SLC6A16: variants seen among roughly 807,000 people sequenced by gnomAD.
The protein encoded by SLC6A16 is solute carrier family 6 member 16.
SLC6A16 carries 54 observed loss-of-function variants against 65.4 expected under a neutral mutation model. The observed-to-expected ratio is 0.83, with a 90% CI of 0.66 to 1.04. The LOEUF (loss-of-function observed/expected upper bound fraction) is 1.04, where lower values mean the gene tolerates loss of function less well. SLC6A16 is among the 50% of genes least tolerant of loss of function. The pLI is 0.00. For synonymous variants in SLC6A16, 330 were observed against 346.5 expected (o/e 0.95, Z 0.53); for missense variants, 816 against 914.0 (o/e 0.89, Z 1.38).
At chr19:49,320,424 C>CAA (rs143022215) in intron 1 of SLC6A16, among the ~76,000 whole-genome samples, 30,749 of 137,144 alleles carry the variant, frequency 0.22, 3,487 homozygotes, top group South Asian at 0.38. Flanking sequence ...AACAAACAAA[C>CAA]AAACAAAAAA....
chr19:49,339,711 A>G, the SLC6A16 span: 1 of 1,402,264 alleles, frequency 7.1e-7, no homozygotes, highest in South Asian at 1.7e-5. The surrounding 1 kb of genome is among the most constrained non-coding windows in gnomAD (Gnocchi z 4.5). Flanking sequence ...TCCGCCGGAA[A>G]TGCGAGCCGC....
chr19:49,339,409 T>G, the SLC6A16 span: 2 of 1,613,594 alleles, frequency 1.2e-6, no homozygotes, highest in Non-Finnish European at 1.7e-6. The surrounding 1 kb of genome is among the most constrained non-coding windows in gnomAD (Gnocchi z 4.5). Context: ...GTCGGCCTAC[T>G]CGAGGTGATC....
chr19:49,327,285 GC>G (rs11288003), upstream of SLC6A16, among the ~76,000 whole-genome samples: 5,313 of 152,088 alleles, frequency 0.035, 297 homozygotes, highest in African/African-American at 0.12. Context: ...GAGTCAGCCT[GC>G]CATGTTGGCC....
chr19:49,331,790 C>A, the SLC6A16 span: 1 of 457,324 alleles, frequency 2.2e-6, no homozygotes, highest in Non-Finnish European at 4.4e-6. Flanking sequence ...ATGGCCTCAA[C>A]TTCACTGCAA....
chr19:49,340,007 C>G, the SLC6A16 span: 4 of 1,459,304 alleles, frequency 2.7e-6, no homozygotes, highest in African/African-American at 5.6e-5. Context: ...ATAAAGGACC[C>G]TGGGCTTGCT....
intron 7 of SLC6A16, among the ~76,000 whole-genome samples, chr19:49,300,183 A>G (rs1420057976): frequency 6.6e-6 from 1 of 152,154 alleles, no homozygotes; most frequent in Non-Finnish European, 1.5e-5. Context: ...TAGCAAAATA[A>G]TATGAAATAA....
Position 49,293,339 on chromosome 19 carries a change from A to G in SLC6A16, c.1662T>C (p.Thr554=), listed in dbSNP as rs760779364. 6 of 1,614,062 alleles carry G rather than the reference A, an allele frequency of 3.7e-6. No homozygotes were observed. The East Asian group carries it at 1.3e-4, about 36-fold the overall frequency. The change falls in exon 10 of 12, where the codon ACT becomes ACC. Residue 554 remains threonine (T), a synonymous_variant. Transcript: ENST00000335875. ...TGATGAAGTAGCTGCCTGAAGGTCG[A>G]GTGAAGAAGAGGCCGCACACGAACA... ...LLMFVCGLFF[T]RPSGSYFIRL...
chr19:49,307,257 T>TA (rs1970409202), intron 7 of SLC6A16, among the ~76,000 whole-genome samples: 2 of 151,700 alleles, frequency 1.3e-5, no homozygotes, highest in South Asian at 4.2e-4. Context: ...AAACTACCAT[T>TA]ACACTCCCAC....
rs1349412240 is a variant in SLC6A16, at chr19:49,293,874, A to T, written c.1571T>A (p.Leu524His). 3.1e-6 allele frequency: 5 copies of T among 1,613,970 alleles called. No individual in the cohort carries two copies. In the African/African-American group the frequency reaches 6.7e-5, roughly 22 times the overall value. Residue 524 changes from leucine to histidine, a missense_variant, in exon 9 of 12, where the codon CTC becomes CAC. Transcript: ENST00000335875. ...CCTGAAGAAAGAGAAGGTGTCCTGG[A>T]GTGGAGTAATGATGCCCTGCATAAT... The part of the protein sequence containing the change: ...IGIMQGIITP[L>H]QDTFSFFRKH...
At chr19:49,338,165 T>C in the SLC6A16 span, 7,382 of 1,450,700 alleles carry the variant, frequency 5.1e-3, 161 homozygotes, top group African/African-American at 0.059. This position sits in a 1 kb window ranked among gnomAD's most constrained non-coding sequence, Gnocchi z 5.0. Context: ...GGCCCGACGC[T>C]CCCCACTCCC....
At chr19:49,338,785 C>T in the SLC6A16 span, 1 of 1,613,996 alleles carries the variant, frequency 6.2e-7, no homozygotes, top group Non-Finnish European at 8.5e-7. The surrounding 1 kb of genome is among the most constrained non-coding windows in gnomAD (Gnocchi z 5.0). Context: ...CACCGCGTGC[C>T]CTGCTCCTGC....
At chr19:49,303,049 G>C (rs1212616365) in intron 7 of SLC6A16, among the ~76,000 whole-genome samples, 1 of 152,104 alleles carries the variant, frequency 6.6e-6, no homozygotes, top group Non-Finnish European at 1.5e-5. Context: ...AAAGGACAAA[G>C]TTTATCTTTA....
intron 1 of SLC6A16, among the ~76,000 whole-genome samples, chr19:49,317,271 G>T (rs925540354): frequency 6.6e-6 from 1 of 151,872 alleles, no homozygotes; most frequent in Non-Finnish European, 1.5e-5. Context: ...AATCCAGGAG[G>T]GGGAGGTTGC....
intron 7 of SLC6A16, among the ~76,000 whole-genome samples, chr19:49,298,259 AG>A (rs1970220753): frequency 6.6e-6 from 1 of 152,254 alleles, no homozygotes; most frequent in Non-Finnish European, 1.5e-5. Flanking sequence ...TTGACAGATA[AG>A]TGGGATCCAA....
At chr19:49,309,146 G>T (rs2278405) in intron 6 of SLC6A16, 29 bp from the exon 7 acceptor site, 370,002 of 1,607,904 alleles carry the variant, frequency 0.23, 45,431 homozygotes, top group South Asian at 0.4. Context: ...GCATAAGGGG[G>T]TTGTAAAAGA....
At chr19:49,324,956 A>C (rs996468297) in intron 1 of SLC6A16, 92 bp downstream of exon 1, 1 of 783,064 alleles carries the variant, frequency 1.3e-6, no homozygotes, top group Non-Finnish European at 1.6e-6. Context: ...CCGTCAGTGG[A>C]GCCCAGTGGG....
At chr19:49,336,920 G>A in the SLC6A16 span, 19 of 1,614,002 alleles carry the variant, frequency 1.2e-5, no homozygotes, top group Admixed American at 5.0e-5. Flanking sequence ...CTTGGCCTTC[G>A]TGCCTCTGCA....
rs1970145604 is a variant in SLC6A16, at chr19:49,294,439, GC to G, written c.1343del (p.Gly448AlafsTer14). The G allele has an allele frequency of 1.2e-6, 2 of 1,614,158 alleles. No individual in the cohort carries two copies. The highest frequency in any genetic ancestry group is 2.2e-5 in the South Asian group (2 of 91,078). ...CCATGCTTTTGATGTGCTGGGGAAG[GC>G]CACTGAGCCAGGCATTGTAGATGGA... ...PTSIYNAWLSGLPQHIKSMVL... is the reference protein window; with the variant it reads ...PTSIYNAWLSXLPQHIKSMVL... On this transcript the variant is annotated frameshift_variant, in exon 8 of 12. Coordinates refer to ENST00000335875, the MANE Select transcript of SLC6A16 (RefSeq NM_014037.3). LOFTEE classifies it high-confidence loss of function.
At chr19:49,315,314 C>A (rs779634653) in intron 1 of SLC6A16, among the ~76,000 whole-genome samples, 5 of 152,192 alleles carry the variant, frequency 3.3e-5, no homozygotes, top group Non-Finnish European at 5.9e-5. Flanking sequence ...GAACCAACAG[C>A]TTCCAGAAGC....
Sources: allele counts gnomAD v4.1 joint callset (sites outside exome capture counted in the v4.1 genomes callset), GRCh38; gene constraint gnomAD v4.1.1; non-coding constraint Gnocchi (gnomAD v3.1); transcripts MANE v1.5; gene names NCBI Gene and HGNC (gene_info 2026-07-23, HGNC 2026-07-21).